Variants in RBM46 observed in about 807,000 individuals in gnomAD.
RBM46 encodes RNA binding motif protein 46, also known as probable RNA-binding protein 46.
A neutral mutation model predicts 43.3 loss-of-function variants in RBM46; 12 were observed. The observed-to-expected ratio is 0.28, with a 90% confidence interval of 0.18 to 0.45. The LOEUF (loss-of-function observed/expected upper bound fraction) is 0.45, where lower values mean the gene tolerates loss of function less well. Ranked by LOEUF, RBM46 falls within the 20% of genes least tolerant of loss-of-function variation. The pLI is 1.00. For missense variants in RBM46, 412 were observed against 639.1 expected, an observed-to-expected ratio of 0.64 and a Z score of 3.83; for synonymous variants, 205 against 207.6, an observed-to-expected ratio of 0.99 and a Z score of 0.11.
chr4:154,822,677 A>G (rs140783615), intron 4 of RBM46, among the ~76,000 whole-genome samples: 2 of 151,874 alleles, frequency 1.3e-5, no homozygotes, highest in East Asian at 3.9e-4. Context: ...TAATAATAAA[A>G]TGGTACAATG....
chr4:154,824,598 C>T (rs156564), intron 4 of RBM46, among the ~76,000 whole-genome samples: 37,675 of 151,786 alleles, frequency 0.25, 4,880 homozygotes, highest in Middle Eastern at 0.32. Context: ...CTTTCTGGAA[C>T]AATTATACCG....
At chr4:154,817,402 G>A (rs1296452609) in intron 4 of RBM46, among the ~76,000 whole-genome samples, 16 of 147,892 alleles carry the variant, frequency 1.1e-4, no homozygotes, top group South Asian at 2.1e-4. Flanking sequence ...GCGTGATCTC[G>A]GCTCACTGCA....
intron 1 of RBM46, among the ~76,000 whole-genome samples, chr4:154,788,434 T>C (rs904485684): frequency 1.3e-5 from 2 of 151,162 alleles, no homozygotes; most frequent in African/African-American, 4.9e-5. Flanking sequence ...CACCATTTAC[T>C]AAATAGGGAA....
intron 4 of RBM46, among the ~76,000 whole-genome samples, chr4:154,814,776 A>G (rs1325133264): frequency 6.6e-6 from 1 of 151,942 alleles, no homozygotes; most frequent in Admixed American, 6.6e-5. Flanking sequence ...TTTATATTTT[A>G]TCATAATTAT....
chr4:154,817,986 T>C (rs156572), intron 4 of RBM46, among the ~76,000 whole-genome samples: 148,798 of 152,186 alleles, frequency 0.98, 72,759 homozygotes, highest in East Asian at 1. Context: ...ACATCCTAGA[T>C]AATACAAGGA....
rs1380900646 is a variant in RBM46, at chr4:154,798,286, G to T, written c.619+8G>T. Reference sequence around the variant, plus strand: ...GGAGGAAACTAATTCCAGGTAAACTGAAAGGTTGTTTTTCAATATTAACAT... The same window carrying T: ...GGAGGAAACTAATTCCAGGTAAACTTAAAGGTTGTTTTTCAATATTAACAT... On this transcript the variant is annotated splice_region_variant and intron_variant, in intron 3 of 4. Coordinates refer to ENST00000281722, the MANE Select transcript of RBM46 (RefSeq NM_144979.5). 1 of 1,535,248 alleles carries T rather than the reference G, an allele frequency of 6.5e-7. No homozygotes were observed.
intron 4 of RBM46, among the ~76,000 whole-genome samples, chr4:154,814,421 A>G (rs1037690222): frequency 1.4e-4 from 21 of 152,210 alleles, no homozygotes; most frequent in African/African-American, 4.8e-4. Context: ...AGTACCAGTA[A>G]GTAGCAACCT....
intron 4 of RBM46, among the ~76,000 whole-genome samples, chr4:154,818,757 C>T (rs1445745234): frequency 6.6e-6 from 1 of 152,006 alleles, no homozygotes; most frequent in South Asian, 2.1e-4. Flanking sequence ...TATATTTCTT[C>T]TGTATTGTCC....
At chr4:154,812,924 C>A (rs1331461416) in intron 4 of RBM46, among the ~76,000 whole-genome samples, 1 of 152,026 alleles carries the variant, frequency 6.6e-6, no homozygotes, top group Non-Finnish European at 1.5e-5. Flanking sequence ...CATAGTAACC[C>A]AAAATGACTT....
chr4:154,803,336 A>G (rs150772365), intron 4 of RBM46, among the ~76,000 whole-genome samples: 13 of 152,194 alleles, frequency 8.5e-5, no homozygotes, highest in African/African-American at 2.9e-4. Context: ...ATTAGAGACT[A>G]TCTTCATCTT....
chr4:154,781,290 C>G lies in RBM46; in HGVS notation c.-158C>G, dbSNP rs1486757823. ...GCGCGCTGGGAAACGAGTGGAGACA[C>G]GAGGACCAGCGCGAGCGGTCCCGGT... On this transcript the variant is annotated 5_prime_UTR_variant, in exon 1 of 5. Coordinates refer to ENST00000281722, the MANE Select transcript of RBM46 (RefSeq NM_144979.5). The G allele has an allele frequency of 1.3e-5, 2 of 152,298 alleles. No individual in the cohort carries two copies. Among genetic ancestry groups the G allele is most frequent in the African/African-American group, 2.4e-5 (1 of 41,444 alleles). 9.4% of individuals were successfully genotyped at this position (152,298 alleles called of 1,614,324 possible). A position where few individuals can be genotyped will look rare whatever the true frequency, so the allele number is the denominator to read the frequency against.
chr4:154,799,645 A>G, intron 4 of RBM46, 81 bp downstream of exon 4: 1 of 993,934 alleles, frequency 1.0e-6, no homozygotes, highest in African/African-American at 1.6e-5. Context: ...ATTTATTTTG[A>G]ACTCAACATT....
chr4:154,827,751 A>T, intron 4 of RBM46, 117 bp from the exon 5 acceptor site: 1 of 1,536,006 alleles, frequency 6.5e-7, no homozygotes, highest in Non-Finnish European at 8.7e-7. Context: ...TATCATCAAG[A>T]TTTCCAGTGT....
chr4:154,823,470 TTAGTC>T (rs1364247356), intron 4 of RBM46, among the ~76,000 whole-genome samples: 1 of 151,700 alleles, frequency 6.6e-6, no homozygotes, highest in African/African-American at 2.4e-5. Context: ...AAATGAAAAA[TTAGTC>T]TAAAGAGTAT....
chr4:154,790,697 A>C (rs1282844685), intron 1 of RBM46, among the ~76,000 whole-genome samples: 1 of 152,220 alleles, frequency 6.6e-6, no homozygotes, highest in Non-Finnish European at 1.5e-5. Context: ...GGGAAGTTTT[A>C]AGATGTTTTC....
intron 4 of RBM46, among the ~76,000 whole-genome samples, chr4:154,817,003 C>T (rs894377156): frequency 6.6e-6 from 1 of 151,962 alleles, no homozygotes; most frequent in East Asian, 1.9e-4. Flanking sequence ...AATCTTATTT[C>T]CGAAGTAAAC....
At chr4:154,789,539 G>A (rs1733970277) in intron 1 of RBM46, among the ~76,000 whole-genome samples, 1 of 152,258 alleles carries the variant, frequency 6.6e-6, no homozygotes, top group East Asian at 1.9e-4. Context: ...TGATCATGGT[G>A]GATAAGCTTT....
chr4:154,826,972 G>T, intron 4 of RBM46: 1 of 1,289,534 alleles, frequency 7.8e-7, no homozygotes, highest in Non-Finnish European at 9.8e-7. Flanking sequence ...ACACCATAAT[G>T]TTTCTAAATA....
intron 4 of RBM46, among the ~76,000 whole-genome samples, chr4:154,815,986 A>G (rs1735423766): frequency 1.3e-5 from 2 of 151,866 alleles, no homozygotes; most frequent in South Asian, 4.2e-4. Flanking sequence ...AAGACTTGCC[A>G]TTTTCCCATG....
Sources: allele counts gnomAD v4.1 joint callset (sites outside exome capture counted in the v4.1 genomes callset), GRCh38; gene constraint gnomAD v4.1.1; transcripts MANE v1.5; gene names NCBI Gene and HGNC (gene_info 2026-07-23, HGNC 2026-07-21).